The following CRACR2A variants were observed in gnomAD, a reference collection of about 807,000 sequenced individuals.
CRACR2A encodes EF-hand calcium-binding domain-containing protein 4B.
CRACR2A carries 79 observed loss-of-function variants against 90.5 expected under a neutral mutation model. The ratio of observed to expected loss-of-function variants is 0.87; its 90% CI spans 0.73 to 1.05. The LOEUF (loss-of-function observed/expected upper bound fraction) is 1.05. CRACR2A is among the 50% of genes least tolerant of loss of function. The pLI is 0.00. For missense variants in CRACR2A, 823 were observed against 897.2 expected (o/e 0.92, Z 1.06); for synonymous variants, 338 against 356.7 (o/e 0.95, Z 0.59).
chr12:3,671,623 C>CT (rs1945243946), intron 7 of CRACR2A, among the ~76,000 whole-genome samples: 1 of 152,122 alleles, frequency 6.6e-6, no homozygotes, highest in South Asian at 2.1e-4. Flanking sequence ...ATGGACTACA[C>CT]TTTCAACAGC....
intron 1 of CRACR2A, among the ~76,000 whole-genome samples, chr12:3,733,508 C>T (rs1030511311): frequency 1.3e-5 from 2 of 152,200 alleles, no homozygotes; most frequent in South Asian, 2.1e-4. Flanking sequence ...TAGGGGTGCT[C>T]GGAGAAGTGT....
At chr12:3,665,709 G>A (rs946455321) in intron 7 of CRACR2A, among the ~76,000 whole-genome samples, 1 of 152,180 alleles carries the variant, frequency 6.6e-6, no homozygotes, top group Admixed American at 6.5e-5. Context: ...GTGGTGTGAA[G>A]AAATGTGTGC....
rs75371825 is a variant in CRACR2A, at chr12:3,627,672, G to A, written c.1770C>T (p.Asp590=). The stretch of plus-strand genomic sequence containing the variant: ...ACAGCTGCAGGGCCACCTGAGAGTT[G>A]TCCACATTCAACGTCTTCACACGGT... ...IDYRVKTLNV[D]NSQVALQLWD... Residue 590 remains aspartate (D), a synonymous_variant, in exon 16 of 20, where the codon GAC becomes GAT. Coordinates refer to ENST00000440314, the MANE Select transcript of CRACR2A (RefSeq NM_001144958.2). 2,739 of 1,551,808 alleles carry A rather than the reference G, an allele frequency of 1.8e-3. 45 individuals carry two copies. The African/African-American group carries it at 0.034, about 19-fold the overall frequency.
At chr12:3,674,782 A>G (rs1439902696) in intron 6 of CRACR2A, among the ~76,000 whole-genome samples, 2 of 152,178 alleles carry the variant, frequency 1.3e-5, no homozygotes, top group Non-Finnish European at 2.9e-5. Flanking sequence ...TTTCACATCT[A>G]TATAACAAGA....
At chr12:3,647,658 G>A (rs887106177) in intron 11 of CRACR2A, among the ~76,000 whole-genome samples, 2 of 152,114 alleles carry the variant, frequency 1.3e-5, no homozygotes, top group African/African-American at 4.8e-5. Context: ...AATCTGAAAC[G>A]CATTCAGGTT....
intron 7 of CRACR2A, among the ~76,000 whole-genome samples, chr12:3,662,563 G>A (rs1945056773): frequency 1.3e-5 from 2 of 152,270 alleles, no homozygotes; most frequent in African/African-American, 4.8e-5. Flanking sequence ...ATCATGGACT[G>A]TGGAGGACAA....
intron 2 of CRACR2A, among the ~76,000 whole-genome samples, chr12:3,722,776 A>G (rs1301153345): frequency 6.6e-6 from 1 of 152,134 alleles, no homozygotes; most frequent in Non-Finnish European, 1.5e-5. Context: ...TGAAATTCCT[A>G]GACCCAGACA....
chr12:3,685,885 G>A (rs1047326530), intron 4 of CRACR2A, among the ~76,000 whole-genome samples: 1 of 152,216 alleles, frequency 6.6e-6, no homozygotes, highest in African/African-American at 2.4e-5. Flanking sequence ...ATGGTAAATT[G>A]TGTGTTATCT....
intron 1 of CRACR2A, among the ~76,000 whole-genome samples, chr12:3,749,859 A>G (rs922410774): frequency 6.7e-6 from 1 of 150,314 alleles, no homozygotes; most frequent in Non-Finnish European, 1.5e-5. Context: ...GGTAGGAACA[A>G]AAAGTGTACC....
At chr12:3,752,357 GAC>G (rs1308415282) in intron 1 of CRACR2A, among the ~76,000 whole-genome samples, 1 of 23,904 alleles carries the variant, frequency 4.2e-5, no homozygotes, top group Non-Finnish European at 1.5e-4. Context: ...CACACACACG[GAC>G]ACACACACAC....
intron 4 of CRACR2A, among the ~76,000 whole-genome samples, chr12:3,687,154 TGGA>T (rs1242212549): frequency 6.6e-6 from 1 of 151,498 alleles, no homozygotes; most frequent in Non-Finnish European, 1.5e-5. Flanking sequence ...AAAACAGCCC[TGGA>T]GGAGGGGCTT....
intron 3 of CRACR2A, among the ~76,000 whole-genome samples, chr12:3,701,716 C>T (rs907746285): frequency 6.6e-6 from 1 of 152,100 alleles, no homozygotes; most frequent in Non-Finnish European, 1.5e-5. Context: ...GTCCGCATAG[C>T]TAAATTGATG....
intron 7 of CRACR2A, among the ~76,000 whole-genome samples, chr12:3,662,702 C>G (rs1479719204): frequency 6.6e-6 from 1 of 152,192 alleles, no homozygotes; most frequent in East Asian, 1.9e-4. Context: ...CCTGTCAGAC[C>G]AATCCATTGG....
chr12:3,697,109 G>A (rs1359097580), intron 3 of CRACR2A, 74 bp from the exon 4 acceptor site: 19 of 1,465,072 alleles, frequency 1.3e-5, no homozygotes, highest in Non-Finnish European at 1.6e-5. Context: ...AAGAGGGGAT[G>A]AGAAGGAAGC....
chr12:3,651,347 G>GTTT (rs1944791204), intron 10 of CRACR2A, among the ~76,000 whole-genome samples: 2 of 152,224 alleles, frequency 1.3e-5, no homozygotes, highest in Admixed American at 1.3e-4. Flanking sequence ...TACTCTCAAA[G>GTTT]GATCCACAAG....
At chr12:3,676,992 T>C (rs956783150) in intron 6 of CRACR2A, among the ~76,000 whole-genome samples, 1 of 152,074 alleles carries the variant, frequency 6.6e-6, no homozygotes, top group African/African-American at 2.4e-5. Flanking sequence ...GACAAGTCTT[T>C]CAACTTTTGA....
chr12:3,689,779 C>T (rs1160493717), intron 4 of CRACR2A, among the ~76,000 whole-genome samples: 9 of 145,834 alleles, frequency 6.2e-5, no homozygotes, highest in Admixed American at 6.8e-5. Context: ...ACCAGCTTTT[C>T]TTTTTTTTTT....
At chr12:3,692,696 C>T (rs1188994604) in intron 4 of CRACR2A, among the ~76,000 whole-genome samples, 6 of 152,028 alleles carry the variant, frequency 3.9e-5, no homozygotes, top group East Asian at 1.9e-4. Flanking sequence ...CAGCAGGGTG[C>T]CAGTGGGTGC....
At chr12:3,659,522 T>A (rs1250301518) in intron 8 of CRACR2A, 42 bp downstream of exon 8, 7 of 1,580,058 alleles carry the variant, frequency 4.4e-6, no homozygotes, top group Non-Finnish European at 6.1e-6. Context: ...AGCAGATATG[T>A]CAAGCTGGCC....
Sources: gnomAD v4.1 joint callset for allele counts (sites outside exome capture counted in the v4.1 genomes callset) on GRCh38, gnomAD v4.1.1 for gene constraint, MANE v1.5 for transcripts, NCBI Gene and HGNC (gene_info 2026-07-23, HGNC 2026-07-21) for gene names.